The following SH3BP5 variants were observed in gnomAD, a reference collection of about 807,000 sequenced individuals.
SH3BP5 encodes SH3 domain binding protein 5.
A neutral mutation model predicts 43.3 loss-of-function variants in SH3BP5; 22 were observed. The observed-to-expected ratio is 0.51, with a 90% CI of 0.36 to 0.73. The LOEUF (loss-of-function observed/expected upper bound fraction) is 0.73, where lower values mean the gene tolerates loss of function less well. SH3BP5 is among the 30% of genes least tolerant of loss of function. The pLI is 0.00. For synonymous variants in SH3BP5, 255 were observed against 225.8 expected (o/e 1.13, Z -1.16); for missense variants, 529 against 586.9 (o/e 0.90, Z 1.02).
chr3:15,258,749 T>A lies in SH3BP5; in HGVS notation c.889+82A>T, dbSNP rs917769505. ...GCCCAACTCTGAGACCTTTCACTGA[T>A]GGCCAGAGAAAGTGAGGACCTTGGG... On this transcript the variant is annotated intron_variant, in intron 7 of 8. Transcript: ENST00000383791. 7.1e-6 allele frequency: 9 copies of A among 1,263,768 alleles called. No homozygotes were observed. The African/African-American group carries it at 1.3e-4, about 19-fold the overall frequency. The allele number at this position is 1,263,768 out of a possible 1,614,324, so 78.3% of individuals were successfully genotyped here.
intron 3 of SH3BP5, among the ~76,000 whole-genome samples, chr3:15,279,889 G>C (rs7637884): frequency 0.42 from 63,896 of 151,930 alleles, 16,187 homozygotes; most frequent in African/African-American, 0.72. Flanking sequence ...TTCAGACACA[G>C]CACCCAGAGG....
At chr3:15,265,405 C>T (rs1696597185) in intron 4 of SH3BP5, among the ~76,000 whole-genome samples, 1 of 151,868 alleles carries the variant, frequency 6.6e-6, no homozygotes. Context: ...AGTCCCAGCT[C>T]CTCAGGAGGC....
intron 3 of SH3BP5, among the ~76,000 whole-genome samples, chr3:15,292,740 C>T (rs1369334659): frequency 3.3e-5 from 5 of 152,098 alleles, no homozygotes; most frequent in South Asian, 2.1e-4. Context: ...CGCAGCTACT[C>T]GGGAGGCTGA....
chr3:15,287,573 TG>T (rs1283596778), intron 3 of SH3BP5, among the ~76,000 whole-genome samples: 3 of 152,184 alleles, frequency 2.0e-5, no homozygotes, highest in Non-Finnish European at 2.9e-5. Context: ...ACTTGAAATA[TG>T]GCCAGCCAGG....
At chr3:15,295,363 TGATGTCCAACAA>T (rs890508327) in intron 3 of SH3BP5, among the ~76,000 whole-genome samples, 6 of 152,250 alleles carry the variant, frequency 3.9e-5, no homozygotes, top group Non-Finnish European at 8.8e-5. Flanking sequence ...CGTTTCTAGC[TGATGTCCAACAA>T]GAAGCCACCC....
At chr3:15,300,507 CGGG>C (rs869133759) in intron 3 of SH3BP5, among the ~76,000 whole-genome samples, 118 of 10,526 alleles carry the variant, frequency 0.011, no homozygotes, top group African/African-American at 0.017. Flanking sequence ...GAAGCGGGGG[CGGG>C]GGGACAAGAG....
At chr3:15,277,839 G>C (rs1434230660) in intron 3 of SH3BP5, among the ~76,000 whole-genome samples, 1 of 152,202 alleles carries the variant, frequency 6.6e-6, no homozygotes, top group Non-Finnish European at 1.5e-5. Context: ...CCAAAGCAAT[G>C]ATGGAGCAAA....
At chr3:15,265,000 C>T (rs1173466454) in intron 4 of SH3BP5, among the ~76,000 whole-genome samples, 9 of 151,944 alleles carry the variant, frequency 5.9e-5, no homozygotes, top group Non-Finnish European at 2.9e-5. Context: ...AAGCAGGATT[C>T]TCACCATCTG....
intron 4 of SH3BP5, among the ~76,000 whole-genome samples, chr3:15,265,713 T>G (rs1207760169): frequency 6.6e-6 from 1 of 151,922 alleles, no homozygotes; most frequent in Non-Finnish European, 1.5e-5. Flanking sequence ...TGTGCAGTGA[T>G]GTGGGTCAGG....
intron 3 of SH3BP5, among the ~76,000 whole-genome samples, chr3:15,272,961 C>T (rs956948863): frequency 4.6e-5 from 7 of 152,066 alleles, no homozygotes; most frequent in African/African-American, 1.4e-4. Context: ...TGCCCCACCT[C>T]GTGCCTCCAG....
intron 2 of SH3BP5, among the ~76,000 whole-genome samples, chr3:15,329,270 C>T (rs971768056): frequency 1.3e-5 from 2 of 152,130 alleles, no homozygotes; most frequent in African/African-American, 4.8e-5. Flanking sequence ...GTAAAAAACA[C>T]TCTGGAAATG....
intron 3 of SH3BP5, chr3:15,271,640 T>C (rs1209849885): frequency 2.0e-5 from 3 of 151,830 alleles, no homozygotes; most frequent in African/African-American, 7.3e-5. Flanking sequence ...ATCACGCCAT[T>C]GCACTCCAGC....
intron 1 of SH3BP5, among the ~76,000 whole-genome samples, chr3:15,338,486 C>T: frequency 6.6e-6 from 1 of 152,218 alleles, no homozygotes. Context: ...ACTAGCATCC[C>T]CTCTTTCTCC....
At chr3:15,295,152 T>C (rs1346185348) in intron 3 of SH3BP5, among the ~76,000 whole-genome samples, 3 of 152,168 alleles carry the variant, frequency 2.0e-5, no homozygotes, top group Non-Finnish European at 4.4e-5. Flanking sequence ...CAGAGCCACA[T>C]GGTTCAGCGC....
intron 5 of SH3BP5, chr3:15,260,148 T>A (rs73144048): frequency 0.026 from 8,145 of 312,184 alleles, 667 homozygotes; most frequent in African/African-American, 0.17. Context: ...GCAGTAAGGG[T>A]GGCCTGGATC....
At chr3:15,305,401 G>C (rs185718679) in intron 2 of SH3BP5, among the ~76,000 whole-genome samples, 2 of 152,310 alleles carry the variant, frequency 1.3e-5, no homozygotes, top group Admixed American at 1.3e-4. Context: ...TGCCAGACCT[G>C]GTGCTGGGCC....
intron 2 of SH3BP5, among the ~76,000 whole-genome samples, chr3:15,321,659 A>G (rs200183293): frequency 6.7e-6 from 1 of 149,382 alleles, no homozygotes; most frequent in Non-Finnish European, 1.5e-5. Flanking sequence ...AACAACTGGT[A>G]ACATCTGAGG....
chr3:15,341,171 G>C (rs953520290), intron 1 of SH3BP5: 1 of 152,268 alleles, frequency 6.6e-6, no homozygotes, highest in Non-Finnish European at 1.5e-5. Context: ...CACCTCATCT[G>C]ACTTGTGCCC....
intron 3 of SH3BP5, chr3:15,273,054 G>A (rs1696862808): frequency 2.4e-6 from 2 of 826,492 alleles, no homozygotes; most frequent in Non-Finnish European, 2.9e-6. Context: ...ACGAGAGGAA[G>A]CAGAGGGAAC....
Sources: gnomAD v4.1 joint callset for allele counts (sites outside exome capture counted in the v4.1 genomes callset) on GRCh38, gnomAD v4.1.1 for gene constraint, MANE v1.5 for transcripts, NCBI Gene and HGNC (gene_info 2026-07-23, HGNC 2026-07-21) for gene names.